Variants in GPC5 observed in about 807,000 individuals in gnomAD.
The protein encoded by GPC5 is glypican 5.
In GPC5, 47 loss-of-function variants were observed where a neutral mutation model predicts 53.9. That is an observed-to-expected ratio of 0.87 (90% CI 0.69 to 1.11). The LOEUF (loss-of-function observed/expected upper bound fraction) is 1.11, where lower values mean the gene tolerates loss of function less well. GPC5 is among the 50% of genes most tolerant of loss of function. The pLI, the probability that GPC5 is intolerant of heterozygous loss-of-function variation, is 0.00. For synonymous variants in GPC5, 286 were observed against 263.3 expected (o/e 1.09, Z -0.84); for missense variants, 748 against 713.1 (o/e 1.05, Z -0.56).
At chr13:91,498,864 A>G (rs1169443648) in intron 2 of GPC5, among the ~76,000 whole-genome samples, 1 of 151,998 alleles carries the variant, frequency 6.6e-6, no homozygotes, top group Admixed American at 6.6e-5. Flanking sequence ...TTGGCTACTC[A>G]GGAGGCTGAG....
intron 7 of GPC5, among the ~76,000 whole-genome samples, chr13:92,816,011 C>A (rs1484949018): frequency 6.6e-6 from 1 of 151,764 alleles, no homozygotes; most frequent in South Asian, 2.1e-4. Flanking sequence ...GGGGAAAGAT[C>A]AGAGCTATAA....
chr13:92,126,246 C>A (rs546889191), intron 6 of GPC5, among the ~76,000 whole-genome samples: 1 of 152,014 alleles, frequency 6.6e-6, no homozygotes, highest in African/African-American at 2.4e-5. Context: ...AGCCACCGCA[C>A]CTGGCCAAAA....
At chr13:92,536,587 GA>G (rs1881729813) in intron 7 of GPC5, among the ~76,000 whole-genome samples, 1 of 152,028 alleles carries the variant, frequency 6.6e-6, no homozygotes, top group Admixed American at 6.6e-5. Context: ...AAAATGAAAA[GA>G]AAGTTTATGA....
intron 5 of GPC5, among the ~76,000 whole-genome samples, chr13:91,904,140 C>CTTTTTTTTTTTTT (rs57293387): frequency 5.3e-5 from 5 of 94,628 alleles, no homozygotes; most frequent in African/African-American, 8.8e-5. Context: ...TCTTTTCTTT[C>CTTTTTTTTTTTTT]TTTTTTTTTT....
chr13:92,755,242 C>T (rs1235085873), intron 7 of GPC5, among the ~76,000 whole-genome samples: 3 of 139,554 alleles, frequency 2.1e-5, no homozygotes, highest in African/African-American at 8.1e-5. Context: ...GGGTACATAA[C>T]GAAATGAAGG....
intron 5 of GPC5, among the ~76,000 whole-genome samples, chr13:91,882,670 GTT>G: frequency 8.4e-5 from 5 of 59,334 alleles, no homozygotes; most frequent in African/African-American, 2.1e-4. Context: ...TGTTTTTTGG[GTT>G]TTTTTTTTTT....
intron 5 of GPC5, among the ~76,000 whole-genome samples, chr13:91,802,659 A>G (rs2038154811): frequency 6.6e-6 from 1 of 152,054 alleles, no homozygotes; most frequent in African/African-American, 2.4e-5. Context: ...TGTGTTTACA[A>G]TCCTTTAGTT....
intron 5 of GPC5, among the ~76,000 whole-genome samples, chr13:91,887,688 A>G (rs948071577): frequency 2.6e-5 from 4 of 152,230 alleles, no homozygotes; most frequent in Non-Finnish European, 5.9e-5. Context: ...AAATGCCACC[A>G]GTCTTTTTGC....
At chr13:91,868,193 G>C (rs781488631) in intron 5 of GPC5, among the ~76,000 whole-genome samples, 14 of 152,060 alleles carry the variant, frequency 9.2e-5, no homozygotes, top group Non-Finnish European at 2.1e-4. Context: ...TCATTCACTG[G>C]GGCAAAAGAA....
intron 7 of GPC5, among the ~76,000 whole-genome samples, chr13:92,203,643 A>AAT (rs1461933575): frequency 3.3e-5 from 4 of 119,482 alleles, no homozygotes; most frequent in South Asian, 3.0e-4. Context: ...ATAATAAAAA[A>AAT]ATATATATAT....
At chr13:92,499,058 C>A (rs1594252690) in intron 7 of GPC5, among the ~76,000 whole-genome samples, 1 of 151,652 alleles carries the variant, frequency 6.6e-6, no homozygotes, top group Non-Finnish European at 1.5e-5. Context: ...TGTGTGGGAC[C>A]AAGTGAAGAA....
At chr13:92,409,646 A>T (rs750909222) in intron 7 of GPC5, among the ~76,000 whole-genome samples, 1 of 152,088 alleles carries the variant, frequency 6.6e-6, no homozygotes. Flanking sequence ...TCACATGTGC[A>T]TCCCCTTTGA....
intron 7 of GPC5, among the ~76,000 whole-genome samples, chr13:92,621,506 C>T (rs1343419981): frequency 3.3e-5 from 5 of 152,148 alleles, no homozygotes; most frequent in African/African-American, 9.7e-5. Flanking sequence ...TCTGGAGATA[C>T]TGAAGCATTT....
Position 92,304,471 on chromosome 13 carries a change from T to C in GPC5, c.1561+159482T>C, listed in dbSNP as rs61594213. Among the ~76,000 whole-genome samples, 792 of 152,272 alleles carry C rather than the reference T, an allele frequency of 5.2e-3. 8 individuals carry two copies. Among genetic ancestry groups the C allele is most frequent in the African/African-American group, 0.018 (752 of 41,552 alleles). On this transcript the variant is annotated intron_variant, in intron 7 of 7. Transcript: ENST00000377067. ...CGCCTGCCTCGGCATCCCAAAGTGC[T>C]GGGATTACAGGTGTGAGCCACTGCA...
At chr13:92,581,479 A>C (rs1396896489) in intron 7 of GPC5, among the ~76,000 whole-genome samples, 2 of 152,208 alleles carry the variant, frequency 1.3e-5, no homozygotes, top group Non-Finnish European at 2.9e-5. Flanking sequence ...ATTGATGAAC[A>C]CATAGGGTGA....
At chr13:92,751,719 A>T (rs190708555) in intron 7 of GPC5, among the ~76,000 whole-genome samples, 1,532 of 151,436 alleles carry the variant, frequency 0.01, 14 homozygotes, top group Non-Finnish European at 0.013. Context: ...CACGTTGTGC[A>T]CATGTACCCT....
chr13:91,791,980 G>T (rs141343611), intron 5 of GPC5, among the ~76,000 whole-genome samples: 1 of 152,158 alleles, frequency 6.6e-6, no homozygotes, highest in Non-Finnish European at 1.5e-5. Flanking sequence ...ATTGATTAAA[G>T]GTCATATTGA....
intron 2 of GPC5, among the ~76,000 whole-genome samples, chr13:91,482,433 A>G (rs1883357693): frequency 1.3e-5 from 2 of 152,186 alleles, no homozygotes; most frequent in South Asian, 4.1e-4. Context: ...TCTTAGATAT[A>G]GCAGCATAAA....
chr13:91,760,886 G>T (rs531268676), intron 5 of GPC5, among the ~76,000 whole-genome samples: 2 of 152,110 alleles, frequency 1.3e-5, no homozygotes, highest in Non-Finnish European at 2.9e-5. Context: ...AAATGATTTC[G>T]AAGACTGTAT....
Sources: allele counts gnomAD v4.1 joint callset (sites outside exome capture counted in the v4.1 genomes callset), GRCh38; gene constraint gnomAD v4.1.1; transcripts MANE v1.5; gene names NCBI Gene and HGNC (gene_info 2026-07-23, HGNC 2026-07-21).